Variants in USP54 observed in about 807,000 individuals in gnomAD.
USP54 encodes the protein ubiquitin specific peptidase 54.
USP54 carries 87 observed loss-of-function variants against 170.5 expected under a neutral mutation model. The ratio of observed to expected loss-of-function variants is 0.51; its 90% confidence interval spans 0.43 to 0.61. The LOEUF (loss-of-function observed/expected upper bound fraction) is 0.61, where lower values mean the gene tolerates loss of function less well. Among genes scored for constraint, USP54 ranks in the 20% least tolerant of loss-of-function variants. USP54 has a pLI of 0.00. For synonymous variants in USP54, 655 were observed against 742.8 expected (o/e 0.88, Z 1.92); for missense variants, 1,786 against 2,047.8 (o/e 0.87, Z 2.47).
At position 73,559,584 on chromosome 10, in the gene USP54, C is replaced by T. The variant is rs569869006; in HGVS notation, c.240+11837G>A. 7.5e-5 allele frequency among the ~76,000 whole-genome samples: 11 copies of T among 147,344 alleles called. No homozygotes were observed. The East Asian group carries it at 1.6e-3, about 21-fold the overall frequency. On this transcript the variant is annotated intron_variant, in intron 4 of 23. Coordinates refer to ENST00000687698, the MANE Select transcript of USP54 (RefSeq NM_001391956.1). Reference sequence around the variant, plus strand: ...TAAAAAAAAAAAAAAAAAAATTAGACGGGCGTGGTGGAAGGCGCCTGTAAT... The same window carrying T: ...TAAAAAAAAAAAAAAAAAAATTAGATGGGCGTGGTGGAAGGCGCCTGTAAT...
chr10:73,595,590 C>A (rs929677521), upstream of USP54, among the ~76,000 whole-genome samples: 4 of 152,260 alleles, frequency 2.6e-5, no homozygotes, highest in Admixed American at 2.0e-4. Flanking sequence ...CACATTTGGG[C>A]TTCTAATTAT....
intron 4 of USP54, among the ~76,000 whole-genome samples, chr10:73,546,112 T>C (rs1226851350): frequency 6.6e-6 from 1 of 152,196 alleles, no homozygotes; most frequent in African/African-American, 2.4e-5. Context: ...TACCAAAAAG[T>C]ACAAAGACTA....
At chr10:73,502,090 A>C (rs892925770) in intron 22 of USP54, among the ~76,000 whole-genome samples, 5 of 152,184 alleles carry the variant, frequency 3.3e-5, no homozygotes, top group Non-Finnish European at 7.3e-5. Context: ...GCCTAGAACA[A>C]TGTGGGCACT....
At position 73,539,435 on chromosome 10, in the gene USP54, T is replaced by C. The variant is rs759436395; in HGVS notation, c.975+9A>G. 3 of 1,596,958 alleles carry C rather than the reference T, an allele frequency of 1.9e-6. No homozygotes were observed. Among genetic ancestry groups the C allele is most frequent in the African/African-American group, 2.7e-5 (2 of 74,686 alleles). ...CCAAACACTTCAAAAAGGACTTGACTACTCCTACCTCCTTGACATGAGCAT... is the reference window on the plus strand; with the variant it reads ...CCAAACACTTCAAAAAGGACTTGACCACTCCTACCTCCTTGACATGAGCAT... On this transcript the variant is annotated intron_variant, in intron 10 of 23. Coordinates refer to ENST00000687698, the MANE Select transcript of USP54 (RefSeq NM_001391956.1).
At chr10:73,546,519 G>C (rs1324368050) in intron 4 of USP54, 1 of 152,170 alleles carries the variant, frequency 6.6e-6, no homozygotes, top group Admixed American at 6.5e-5. Context: ...TGTTTTGTAA[G>C]AGATGGGGTC....
chr10:73,580,736 C>T (rs1336590286), intron 1 of USP54, among the ~76,000 whole-genome samples: 1 of 152,024 alleles, frequency 6.6e-6, no homozygotes, highest in Non-Finnish European at 1.5e-5. Context: ...TCACGCTCAG[C>T]TATTTTTTGT....
chr10:73,575,430 TTTTA>T, intron 3 of USP54, 78 bp downstream of exon 3: 1 of 1,410,250 alleles, frequency 7.1e-7, no homozygotes, highest in South Asian at 1.8e-5. Flanking sequence ...CTATCAAACA[TTTTA>T]TTTAAAAAGA....
At chr10:73,516,231 G>T in intron 20 of USP54, 144 bp downstream of exon 20, 1 of 939,116 alleles carries the variant, frequency 1.1e-6, no homozygotes, top group South Asian at 1.8e-5. Context: ...TGTCCTGAAG[G>T]CTTTCTGAGT....
intron 19 of USP54, chr10:73,518,354 T>A (rs1317086715): frequency 2.0e-6 from 1 of 489,410 alleles, no homozygotes; most frequent in Non-Finnish European, 2.7e-6. Context: ...CAAAGCAATA[T>A]GACTCTCTTG....
intron 23 of USP54, 73 bp from the exon 24 acceptor site, chr10:73,499,261 A>G: frequency 2.1e-6 from 3 of 1,457,706 alleles, no homozygotes; most frequent in Non-Finnish European, 2.8e-6. Context: ...AGCCATGCCT[A>G]GCTGTGTAGC....
chr10:73,541,782 T>C (rs1376470341), intron 7 of USP54, 44 bp from the exon 8 acceptor site: 8 of 1,558,310 alleles, frequency 5.1e-6, no homozygotes, highest in Non-Finnish European at 7.1e-6. Flanking sequence ...TTGTATTTAG[T>C]TACTGCTAAA....
chr10:73,565,199 G>GTTTA (rs1303775001), intron 4 of USP54, among the ~76,000 whole-genome samples: 10 of 152,030 alleles, frequency 6.6e-5, no homozygotes, highest in African/African-American at 2.2e-4. Context: ...GGATTTTATG[G>GTTTA]TTGTTTGTTA....
chr10:73,603,762 C>A lies in USP54; in HGVS notation c.-18+21805G>T, dbSNP rs58367064. Among the ~76,000 whole-genome samples the A allele has an allele frequency of 1.9e-3, 261 of 137,172 alleles. 2 individuals carry two copies. Among genetic ancestry groups the A allele is most frequent in the South Asian group, 0.016 (70 of 4,292 alleles). 90.0% of individuals were successfully genotyped at this position (137,172 alleles called of 152,430 possible). On this transcript the variant is annotated intron_variant, in intron 1 of 22. Transcript: ENST00000339859. ...GACCCTGTCTCAAAAACAAAAACAA[C>A]AAAAAAAAAAACTACAAGTCAACAA...
intron 5 of USP54, among the ~76,000 whole-genome samples, chr10:73,544,169 C>G (rs897952188): frequency 1.3e-5 from 2 of 152,132 alleles, no homozygotes; most frequent in Non-Finnish European, 2.9e-5. Context: ...TCTCGAACTC[C>G]TGACCTCAAG....
intron 1 of USP54, among the ~76,000 whole-genome samples, chr10:73,582,388 A>C (rs1243332234): frequency 2.6e-5 from 4 of 151,046 alleles, no homozygotes; most frequent in Admixed American, 1.3e-4. Context: ...AAGGAGAAGG[A>C]CTTTTTTTTT....
At chr10:73,568,105 G>C (rs925577215) in intron 4 of USP54, among the ~76,000 whole-genome samples, 1 of 151,952 alleles carries the variant, frequency 6.6e-6, no homozygotes, top group Non-Finnish European at 1.5e-5. Context: ...TAGAGATGGG[G>C]TCTTGCTATG....
At chr10:73,583,929 G>T (rs1242370058) in intron 1 of USP54, among the ~76,000 whole-genome samples, 1 of 152,024 alleles carries the variant, frequency 6.6e-6, no homozygotes, top group African/African-American at 2.4e-5. Flanking sequence ...ATCATTAGAG[G>T]TAACTATTTT....
chr10:73,619,520 G>A (rs778987032), intron 1 of USP54, among the ~76,000 whole-genome samples: 8 of 141,208 alleles, frequency 5.7e-5, no homozygotes, highest in South Asian at 4.3e-4. Flanking sequence ...GCGACAGAGC[G>A]AGACTCCATC....
rs369498919 is a variant in USP54, at chr10:73,509,246, GTATTA to G, written c.4052-3825_4052-3821del. Among the ~76,000 whole-genome samples, 11 of 151,342 alleles carry G rather than the reference GTATTA, an allele frequency of 7.3e-5. No homozygotes were observed. In the East Asian group the frequency reaches 2.1e-3, roughly 29 times the overall value. On this transcript the variant is annotated intron_variant, in intron 20 of 23. Coordinates refer to ENST00000687698, the MANE Select transcript of USP54 (RefSeq NM_001391956.1). ...CTGAGAAAACTGGAATATTGGCTAGGTATTATATTAAGAGATTATTGTTAATTTTT... is the reference window on the plus strand; with the variant it reads ...CTGAGAAAACTGGAATATTGGCTAGGTATTAAGAGATTATTGTTAATTTTT...
Sources: gnomAD v4.1 joint callset for allele counts (sites outside exome capture counted in the v4.1 genomes callset) on GRCh38, gnomAD v4.1.1 for gene constraint, MANE v1.5 for transcripts, NCBI Gene and HGNC (gene_info 2026-07-23, HGNC 2026-07-21) for gene names.